Variants in GRM8 observed in about 807,000 individuals in gnomAD.
GRM8 encodes metabotropic glutamate receptor 8.
GRM8 carries 47 observed loss-of-function variants against 87.2 expected under a neutral mutation model. The observed-to-expected ratio is 0.54, with a 90% CI of 0.43 to 0.69. The LOEUF (loss-of-function observed/expected upper bound fraction) is 0.69. Among genes scored for constraint, GRM8 ranks in the 30% least tolerant of loss-of-function variants. The pLI is 0.00. For synonymous variants in GRM8, 396 were observed against 404.5 expected (o/e 0.98, Z 0.25); for missense variants, 1,019 against 1,139.2 (o/e 0.89, Z 1.52).
At chr7:126,742,954 C>T (rs1440236973) in intron 7 of GRM8, among the ~76,000 whole-genome samples, 1 of 152,054 alleles carries the variant, frequency 6.6e-6, no homozygotes, top group East Asian at 1.9e-4. Flanking sequence ...ATTTCCACCA[C>T]TTCCCCAACA....
chr7:127,173,493 A>C (rs1054221964), intron 2 of GRM8, among the ~76,000 whole-genome samples: 1 of 152,136 alleles, frequency 6.6e-6, no homozygotes, highest in African/African-American at 2.4e-5. Context: ...GAAATTAGAG[A>C]GGTCAGGAGG....
intron 2 of GRM8, among the ~76,000 whole-genome samples, chr7:127,202,504 C>T (rs1046932233): frequency 2.6e-5 from 4 of 152,244 alleles, no homozygotes; most frequent in East Asian, 1.9e-4. Context: ...ATGCATTCTA[C>T]GTATTTACAA....
intron 6 of GRM8, among the ~76,000 whole-genome samples, chr7:126,860,767 T>C (rs2130809393): frequency 6.6e-6 from 1 of 152,320 alleles, no homozygotes. Context: ...AAACATGGCT[T>C]TTAAATTGTG....
rs1468444975 is a variant in GRM8, at chr7:126,608,732, C to T, written c.1494+630G>A. On this transcript the variant is annotated intron_variant, in intron 8 of 10. Coordinates refer to ENST00000339582, the MANE Select transcript of GRM8 (RefSeq NM_000845.3). ...ACCAGATATAGCCAGAAGGTCTCCCCTTGTGATGTGGCAAAAGTGATGTGC... is the reference window on the plus strand; with the variant it reads ...ACCAGATATAGCCAGAAGGTCTCCCTTTGTGATGTGGCAAAAGTGATGTGC... Among the ~76,000 whole-genome samples the T allele has an allele frequency of 2.6e-5, 4 of 151,326 alleles. No individual in the cohort carries two copies. In the South Asian group the frequency reaches 6.3e-4, roughly 24 times the overall value.
At chr7:126,507,572 A>G (rs1323875715) in intron 9 of GRM8, among the ~76,000 whole-genome samples, 2 of 152,078 alleles carry the variant, frequency 1.3e-5, no homozygotes, top group Non-Finnish European at 1.5e-5. Context: ...CAAATTGCAA[A>G]AAGTAGAGCT....
In GRM8 at chr7:126,861,215, T is replaced by G. The variant is rs139564940; in HGVS notation, c.1156+41327A>C. On this transcript the variant is annotated intron_variant, in intron 6 of 10. Coordinates refer to ENST00000339582, the MANE Select transcript of GRM8 (RefSeq NM_000845.3). ...CTCATATGTATCTATTTATAAAGAG[T>G]GTATTATACTATGCTTTTATTTGTT... is the stretch of plus-strand genomic sequence containing the variant. Among the ~76,000 whole-genome samples, 424 of 152,206 alleles carry G rather than the reference T, an allele frequency of 2.8e-3. 3 individuals carry two copies. Among genetic ancestry groups the G allele is most frequent in the African/African-American group, 9.1e-3 (380 of 41,560 alleles).
chr7:126,717,333 G>C (rs1380154446), intron 7 of GRM8, among the ~76,000 whole-genome samples: 4 of 152,114 alleles, frequency 2.6e-5, no homozygotes, highest in Non-Finnish European at 4.4e-5. Context: ...TTGTGGGGTG[G>C]AGGGTGAAAT....
At chr7:126,920,360 A>G (rs936618362) in intron 3 of GRM8, among the ~76,000 whole-genome samples, 1 of 152,184 alleles carries the variant, frequency 6.6e-6, no homozygotes, top group Admixed American at 6.5e-5. Context: ...CAAATACCCA[A>G]CTAAGTTGTC....
intron 3 of GRM8, among the ~76,000 whole-genome samples, chr7:126,990,028 A>G (rs568271824): frequency 3.3e-5 from 5 of 152,288 alleles, no homozygotes; most frequent in Admixed American, 2.0e-4. Context: ...AAAACCTTAA[A>G]GAGAAGTAAA....
intron 6 of GRM8, among the ~76,000 whole-genome samples, chr7:126,877,146 T>C (rs1271006189): frequency 6.6e-6 from 1 of 152,198 alleles, no homozygotes; most frequent in Non-Finnish European, 1.5e-5. Flanking sequence ...TCAATGCCCA[T>C]TCCTTGTTGG....
intron 3 of GRM8, among the ~76,000 whole-genome samples, chr7:126,917,001 A>G (rs1164272121): frequency 1.3e-5 from 2 of 152,256 alleles, no homozygotes; most frequent in Non-Finnish European, 2.9e-5. Context: ...TTTTGGATTC[A>G]GATAGCACTA....
chr7:126,717,947 T>C (rs1374333389), intron 7 of GRM8, among the ~76,000 whole-genome samples: 1 of 152,110 alleles, frequency 6.6e-6, no homozygotes, highest in Non-Finnish European at 1.5e-5. Context: ...ATAACTTCGG[T>C]GTTGGCCGGG....
intron 3 of GRM8, among the ~76,000 whole-genome samples, chr7:127,034,121 C>A (rs1269329344): frequency 6.6e-6 from 1 of 152,180 alleles, no homozygotes; most frequent in Admixed American, 6.6e-5. Flanking sequence ...TTAATTGGTA[C>A]ATCTCTACCA....
intron 9 of GRM8, among the ~76,000 whole-genome samples, chr7:126,529,660 T>C (rs550437504): frequency 3.3e-5 from 5 of 152,322 alleles, no homozygotes; most frequent in Non-Finnish European, 7.4e-5. Context: ...AGAGTGCTCA[T>C]TGGAGGTTGA....
intron 7 of GRM8, among the ~76,000 whole-genome samples, chr7:126,717,712 A>C (rs1458679519): frequency 6.6e-6 from 1 of 152,166 alleles, no homozygotes; most frequent in African/African-American, 2.4e-5. Context: ...AAAACATAAA[A>C]ATTTAGGAGG....
intron 3 of GRM8, among the ~76,000 whole-genome samples, chr7:127,079,413 C>T (rs759761531): frequency 1.6e-4 from 24 of 152,196 alleles, no homozygotes; most frequent in African/African-American, 1.9e-4. Context: ...TGAGCCACCA[C>T]GCCCAGCCGT....
intron 7 of GRM8, among the ~76,000 whole-genome samples, chr7:126,665,917 T>A (rs1435471810): frequency 6.6e-6 from 1 of 152,088 alleles, no homozygotes; most frequent in South Asian, 2.1e-4. Context: ...ATCAAACAGA[T>A]TTTTGTGATG....
chr7:126,889,108 T>A (rs1317885303), intron 6 of GRM8, among the ~76,000 whole-genome samples: 1 of 152,142 alleles, frequency 6.6e-6, no homozygotes, highest in African/African-American at 2.4e-5. Flanking sequence ...GTTTGACATT[T>A]AAGCTCAATA....
At chr7:126,693,238 A>G (rs1321822949) in intron 7 of GRM8, among the ~76,000 whole-genome samples, 1 of 152,342 alleles carries the variant, frequency 6.6e-6, no homozygotes, top group South Asian at 2.1e-4. Flanking sequence ...TTATACTAAC[A>G]TTATTATTCC....
Sources: gnomAD v4.1 joint callset for allele counts (sites outside exome capture counted in the v4.1 genomes callset) on GRCh38, gnomAD v4.1.1 for gene constraint, MANE v1.5 for transcripts, NCBI Gene and HGNC (gene_info 2026-07-23, HGNC 2026-07-21) for gene names.